The following PRKD1 variants were observed in gnomAD, a reference collection of about 807,000 sequenced individuals.
PRKD1 encodes protein kinase D1.
A neutral mutation model predicts 95.9 loss-of-function variants in PRKD1; 63 were observed. The observed-to-expected ratio is 0.66, with a 90% CI of 0.54 to 0.81. The LOEUF (loss-of-function observed/expected upper bound fraction) is 0.81, where lower values mean the gene tolerates loss of function less well. Among genes scored for constraint, PRKD1 ranks in the 30% least tolerant of loss-of-function variants. The pLI is 0.00. For missense variants in PRKD1, 1,048 were observed against 1,165.3 expected, an observed-to-expected ratio of 0.90 and a Z score of 1.47; for synonymous variants, 425 against 423.1, an observed-to-expected ratio of 1.00 and a Z score of -0.05.
At chr14:29,894,757 T>C (rs2139419059) in intron 1 of PRKD1, among the ~76,000 whole-genome samples, 1 of 152,240 alleles carries the variant, frequency 6.6e-6, no homozygotes, top group South Asian at 2.1e-4. Flanking sequence ...TTGAGAATGG[T>C]TTCTCAGTTT....
Position 29,659,382 on chromosome 14 carries a change from A to T in PRKD1, c.696+4317T>A, listed in dbSNP as rs113383546. On this transcript the variant is annotated intron_variant, in intron 4 of 17. Transcript: ENST00000331968. ...CAATCCATTGTATGACTACACCACT[A>T]CTGGTTTCTAATTTTTAGCTATTAT... 4.0e-3 allele frequency among the ~76,000 whole-genome samples: 616 copies of T among 152,232 alleles called. 4 individuals are homozygous for T. The highest frequency in any genetic ancestry group is 0.014 in the African/African-American group (580 of 41,534).
At chr14:29,747,508 A>C (rs1887282860) in intron 1 of PRKD1, among the ~76,000 whole-genome samples, 1 of 152,198 alleles carries the variant, frequency 6.6e-6, no homozygotes, top group Admixed American at 6.5e-5. Context: ...ACATGTTCAT[A>C]GCAGCACTAT....
intron 2 of PRKD1, among the ~76,000 whole-genome samples, chr14:29,692,182 A>T (rs922839252): frequency 3.3e-5 from 5 of 150,824 alleles, no homozygotes; most frequent in African/African-American, 4.9e-5. Context: ...AATCTCTTTA[A>T]ATGGAGTTCA....
At chr14:29,757,718 AT>A (rs2139478579) in intron 1 of PRKD1, among the ~76,000 whole-genome samples, 1 of 152,180 alleles carries the variant, frequency 6.6e-6, no homozygotes, top group East Asian at 1.9e-4. Flanking sequence ...AATTAAAAAA[AT>A]AAAACAGGGC....
intron 13 of PRKD1, among the ~76,000 whole-genome samples, chr14:29,617,199 ATT>A (rs749329574): frequency 4.6e-5 from 7 of 151,978 alleles, no homozygotes; most frequent in Non-Finnish European, 1.0e-4. Flanking sequence ...CCAGTCTACC[ATT>A]TTTCACCATT....
intron 1 of PRKD1, among the ~76,000 whole-genome samples, chr14:29,810,264 G>T (rs765795824): frequency 6.6e-5 from 10 of 152,180 alleles, no homozygotes; most frequent in Non-Finnish European, 1.2e-4. Context: ...TGGAAAAATG[G>T]CAACAATAGA....
chr14:29,849,471 A>G (rs4441176), intron 1 of PRKD1, among the ~76,000 whole-genome samples: 73,711 of 151,894 alleles, frequency 0.49, 21,596 homozygotes, highest in African/African-American at 0.83. Context: ...TAAATTCCTC[A>G]AAACAGACAC....
At position 29,613,181 on chromosome 14, in the gene PRKD1, T is replaced by C. The variant is rs376454328; in HGVS notation, c.1905+10971A>G. 7.2e-5 allele frequency among the ~76,000 whole-genome samples: 11 copies of C among 152,212 alleles called. No individual in the cohort carries two copies. In the East Asian group the frequency reaches 2.1e-3, roughly 29 times the overall value. Reference sequence around the variant, plus strand: ...TACATATTAGATGAAACAACAAAAATATAAGCCAACATCTCAATACACACT... The same window carrying C: ...TACATATTAGATGAAACAACAAAAACATAAGCCAACATCTCAATACACACT... On this transcript the variant is annotated intron_variant, in intron 13 of 17. Transcript: ENST00000331968.
intron 2 of PRKD1, among the ~76,000 whole-genome samples, chr14:29,684,289 T>TA (rs1244856528): frequency 1.3e-5 from 2 of 152,140 alleles, no homozygotes; most frequent in Non-Finnish European, 2.9e-5. Flanking sequence ...TAGCTGGGAT[T>TA]ACAGGTATGT....
intron 1 of PRKD1, among the ~76,000 whole-genome samples, chr14:29,781,210 G>A (rs1378653047): frequency 1.3e-5 from 2 of 151,862 alleles, no homozygotes; most frequent in Non-Finnish European, 2.9e-5. Context: ...AATGGGTGCA[G>A]CACACCAACA....
chr14:29,840,880 C>T (rs1449776277), intron 1 of PRKD1, among the ~76,000 whole-genome samples: 4 of 152,316 alleles, frequency 2.6e-5, no homozygotes, highest in South Asian at 2.1e-4. Flanking sequence ...TCCCACAACA[C>T]GTGGGAATTC....
chr14:29,637,507 A>T (rs1337603329), intron 6 of PRKD1, among the ~76,000 whole-genome samples: 1 of 152,198 alleles, frequency 6.6e-6, no homozygotes, highest in Non-Finnish European at 1.5e-5. Flanking sequence ...ATTTCAAAGT[A>T]ATCAACAACA....
chr14:29,636,753 T>G (rs2139130759), intron 6 of PRKD1, among the ~76,000 whole-genome samples: 1 of 152,304 alleles, frequency 6.6e-6, no homozygotes, highest in Non-Finnish European at 1.5e-5. Context: ...ACCCATTAGT[T>G]ATTTTTCCTG....
chr14:29,727,518 A>C (rs1299328712), intron 1 of PRKD1, among the ~76,000 whole-genome samples: 10 of 151,422 alleles, frequency 6.6e-5, no homozygotes, highest in Non-Finnish European at 1.5e-4. Context: ...TAGGGTTTTT[A>C]TGGTTTTAGG....
In PRKD1 at chr14:29,874,639, G is replaced by A. The variant is rs187149426; in HGVS notation, c.264+52610C>T. 7.2e-5 allele frequency among the ~76,000 whole-genome samples: 11 copies of A among 152,188 alleles called. No individual in the cohort carries two copies. The East Asian group carries it at 1.5e-3, about 21-fold the overall frequency. ...AGACAATGTGGTCTACATACACAAC[G>A]GAATACTATTCAGCCATACAGAAAG... On this transcript the variant is annotated intron_variant, in intron 1 of 17. Transcript: ENST00000331968.
chr14:29,773,305 C>T (rs1198834882), intron 1 of PRKD1, among the ~76,000 whole-genome samples: 2 of 151,842 alleles, frequency 1.3e-5, no homozygotes, highest in East Asian at 1.9e-4. Context: ...ACTAAAAATA[C>T]AAAAATTAGC....
chr14:29,749,194 C>T (rs1887365804), intron 1 of PRKD1, among the ~76,000 whole-genome samples: 1 of 152,146 alleles, frequency 6.6e-6, no homozygotes, highest in South Asian at 2.1e-4. Context: ...CTGCTGTTAT[C>T]TTAGACCTAC....
intron 1 of PRKD1, among the ~76,000 whole-genome samples, chr14:29,818,370 TAACCAGTCTAA>T (rs1215305522): frequency 1.3e-5 from 2 of 152,216 alleles, no homozygotes; most frequent in Non-Finnish European, 2.9e-5. Flanking sequence ...CTTTCTTGTT[TAACCAGTCTAA>T]ATATTTGCTA....
chr14:29,644,788 C>G lies in PRKD1; in HGVS notation c.697-5884G>C, dbSNP rs192081787. On this transcript the variant is annotated intron_variant, in intron 4 of 17. Coordinates refer to ENST00000331968, the MANE Select transcript of PRKD1 (RefSeq NM_002742.3). Reference sequence around the variant, plus strand: ...ATACCTCATGTATAAATAAACTATACATTTTATACAACTATTTATACATTT... The same window carrying G: ...ATACCTCATGTATAAATAAACTATAGATTTTATACAACTATTTATACATTT... Among the ~76,000 whole-genome samples, 58 of 151,912 alleles carry G rather than the reference C, an allele frequency of 3.8e-4. 1 individual carries two copies. Among genetic ancestry groups the G allele is most frequent in the Admixed American group, 2.4e-3 (37 of 15,240 alleles).
Sources: allele counts gnomAD v4.1 joint callset (sites outside exome capture counted in the v4.1 genomes callset), GRCh38; gene constraint gnomAD v4.1.1; transcripts MANE v1.5; gene names NCBI Gene and HGNC (gene_info 2026-07-23, HGNC 2026-07-21).